Variants in CACNA2D3 observed in about 807,000 individuals in gnomAD.
CACNA2D3 encodes the protein calcium voltage-gated channel auxiliary subunit alpha2delta 3.
In CACNA2D3, 60 loss-of-function variants were observed where a neutral mutation model predicts 160.6. The ratio of observed to expected loss-of-function variants is 0.37; its 90% confidence interval spans 0.30 to 0.46. CACNA2D3 has a LOEUF of 0.46. CACNA2D3 is among the 20% of genes least tolerant of loss of function. The probability of loss-of-function intolerance (pLI) is 1.00; values close to 1 mark genes in which losing one functional copy is unlikely to be tolerated. For missense variants in CACNA2D3, 1,205 were observed against 1,365.0 expected (o/e 0.88, Z 1.85); for synonymous variants, 558 against 492.9 (o/e 1.13, Z -1.75).
chr3:54,258,273 C>T (rs1217962784), intron 2 of CACNA2D3, among the ~76,000 whole-genome samples: 3 of 152,182 alleles, frequency 2.0e-5, no homozygotes, highest in Non-Finnish European at 4.4e-5. Context: ...ATTCTGTGGA[C>T]AGTAAATTCC....
At chr3:54,221,548 C>T (rs781233902) in intron 2 of CACNA2D3, among the ~76,000 whole-genome samples, 24 of 152,184 alleles carry the variant, frequency 1.6e-4, no homozygotes, top group Non-Finnish European at 2.8e-4. Flanking sequence ...TGCTGAAATA[C>T]ATGAATTATT....
intron 2 of CACNA2D3, among the ~76,000 whole-genome samples, chr3:54,208,777 G>A (rs1466604879): frequency 2.6e-5 from 4 of 151,964 alleles, no homozygotes; most frequent in Non-Finnish European, 5.9e-5. Flanking sequence ...AATGTATTTG[G>A]TGTTGAGAAT....
chr3:54,689,823 T>C (rs1461012388), intron 11 of CACNA2D3, among the ~76,000 whole-genome samples: 1 of 152,070 alleles, frequency 6.6e-6, no homozygotes, highest in Non-Finnish European at 1.5e-5. Context: ...TCCCCTATAA[T>C]CTGTTTTCAG....
intron 2 of CACNA2D3, among the ~76,000 whole-genome samples, chr3:54,174,381 T>C (rs777859588): frequency 3.3e-5 from 5 of 152,244 alleles, no homozygotes; most frequent in Non-Finnish European, 5.9e-5. Flanking sequence ...GAGACGGTTT[T>C]GAACGATTTG....
chr3:54,373,874 C>A (rs1225472854), intron 3 of CACNA2D3, among the ~76,000 whole-genome samples: 1 of 152,092 alleles, frequency 6.6e-6, no homozygotes, highest in African/African-American at 2.4e-5. Flanking sequence ...TGCTGTGGCC[C>A]AAATCGGTTT....
At chr3:54,734,922 C>T (rs986942391) in intron 11 of CACNA2D3, among the ~76,000 whole-genome samples, 2 of 152,190 alleles carry the variant, frequency 1.3e-5, no homozygotes, top group African/African-American at 4.8e-5. Context: ...TCAGAAATTG[C>T]CAAACTCATT....
intron 8 of CACNA2D3, among the ~76,000 whole-genome samples, 156 bp from the exon 9 acceptor site, chr3:54,581,646 GT>G (rs1702679804): frequency 5.9e-5 from 9 of 152,354 alleles, no homozygotes; most frequent in Admixed American, 2.6e-4. Context: ...AATCATAGTT[GT>G]CTAGAGGGAC....
At chr3:54,687,129 TTTTTTGTTTTTTTTTTTTTTTG>T (rs1700471485) in intron 11 of CACNA2D3, among the ~76,000 whole-genome samples, 1 of 51,012 alleles carries the variant, frequency 2.0e-5, no homozygotes, top group Non-Finnish European at 3.9e-5. Context: ...TTCTTTTTTT[TTTTTTGTTTTTTTTTTTTTTTG>T]TTTTTTTGAC....
intron 23 of CACNA2D3, among the ~76,000 whole-genome samples, chr3:54,887,146 C>A (rs1699945297): frequency 6.6e-6 from 1 of 152,062 alleles, no homozygotes; most frequent in Admixed American, 6.6e-5. Flanking sequence ...CAATTCTTGG[C>A]CGAGCGTGGT....
chr3:54,550,874 C>T (rs561111412), intron 5 of CACNA2D3, among the ~76,000 whole-genome samples: 47 of 152,304 alleles, frequency 3.1e-4, no homozygotes, highest in African/African-American at 1.1e-3. Context: ...CCTCGACCAA[C>T]ACGTGTTTGC....
At position 54,848,103 on chromosome 3, in the gene CACNA2D3, A is replaced by G. The variant is rs374162997; in HGVS notation, c.1626+1636A>G. Among the ~76,000 whole-genome samples, 3 of 152,330 alleles carry G rather than the reference A, an allele frequency of 2.0e-5. 1 individual carries two copies. Among genetic ancestry groups the G allele is most frequent in the Admixed American group, 6.5e-5 (1 of 15,302 alleles). On this transcript the variant is annotated intron_variant, in intron 17 of 37. Transcript: ENST00000474759. ...CTGCCCGCCACACAGTCGACTCACA[A>G]TGTGAACTGGTCCCCACAGTGCTTT...
chr3:54,554,038 C>G (rs1052412791), intron 5 of CACNA2D3, among the ~76,000 whole-genome samples: 1 of 152,188 alleles, frequency 6.6e-6, no homozygotes, highest in Non-Finnish European at 1.5e-5. Flanking sequence ...TAGTACCTCT[C>G]GCCAAGACAC....
chr3:54,934,492 G>A lies in CACNA2D3; in HGVS notation c.2450-33958G>A, dbSNP rs959281140. On this transcript the variant is annotated intron_variant, in intron 27 of 37. Coordinates refer to ENST00000474759, the MANE Select transcript of CACNA2D3 (RefSeq NM_018398.3). ...CCGTTTACTGCATATGAATATCAGC[G>A]GAGTTTGAACTCCCTTTAGCAGGCC... Among the ~76,000 whole-genome samples, 6 of 152,106 alleles carry A rather than the reference G, an allele frequency of 3.9e-5. 1 individual carries two copies. The South Asian group carries it at 6.2e-4, about 16-fold the overall frequency.
chr3:54,885,274 C>A lies in CACNA2D3; in HGVS notation c.1913-7C>A, dbSNP rs375850563. 124 of 1,613,594 alleles carry A rather than the reference C, an allele frequency of 7.7e-5. 2 individuals carry two copies. Among genetic ancestry groups the A allele is most frequent in the Non-Finnish European group, 1.6e-5 (19 of 1,179,594 alleles). ...TTATTCATGAACCCCTTCTCCTTGA[C>A]CCCCAGGCCTGCATGACTTAGAACA... On this transcript the variant is annotated splice_polypyrimidine_tract_variant and splice_region_variant and intron_variant, in intron 21 of 37. Transcript: ENST00000474759.
intron 2 of CACNA2D3, among the ~76,000 whole-genome samples, chr3:54,309,323 G>C (rs1470573168): frequency 6.6e-6 from 1 of 152,212 alleles, no homozygotes; most frequent in Admixed American, 6.5e-5. Flanking sequence ...TCTAAAACAG[G>C]AATGTAATGC....
intron 4 of CACNA2D3, among the ~76,000 whole-genome samples, chr3:54,502,178 C>T (rs947858433): frequency 6.6e-6 from 1 of 152,116 alleles, no homozygotes; most frequent in Non-Finnish European, 1.5e-5. Context: ...TGATTTTTGT[C>T]ATTAATTTTG....
At chr3:54,288,319 C>G (rs921576458) in intron 2 of CACNA2D3, among the ~76,000 whole-genome samples, 4 of 152,254 alleles carry the variant, frequency 2.6e-5, no homozygotes, top group African/African-American at 9.6e-5. Flanking sequence ...ACTAGAAAAT[C>G]TAGAAGAAAT....
At chr3:54,699,994 C>T (rs569931874) in intron 11 of CACNA2D3, among the ~76,000 whole-genome samples, 15 of 152,242 alleles carry the variant, frequency 9.9e-5, no homozygotes, top group South Asian at 8.3e-4. Flanking sequence ...TTAACCTGTG[C>T]GTGACACAGG....
intron 2 of CACNA2D3, among the ~76,000 whole-genome samples, chr3:54,265,218 C>T (rs1468205341): frequency 2.6e-5 from 4 of 152,190 alleles, no homozygotes; most frequent in Non-Finnish European, 4.4e-5. Context: ...TAAAGCCTTC[C>T]TGTTTCTCCA....
Sources: gnomAD v4.1 joint callset for allele counts (sites outside exome capture counted in the v4.1 genomes callset) on GRCh38, gnomAD v4.1.1 for gene constraint, MANE v1.5 for transcripts, NCBI Gene and HGNC (gene_info 2026-07-23, HGNC 2026-07-21) for gene names.